The following DNAJB14 variants were observed in gnomAD, a reference collection of about 807,000 sequenced individuals.
DNAJB14 encodes the protein DnaJ heat shock protein family (Hsp40) member B14.
Under a neutral mutation model 48.4 loss-of-function variants are expected in DNAJB14, and 22 were observed. The ratio of observed to expected loss-of-function variants is 0.45; its 90% CI spans 0.32 to 0.65. The LOEUF is 0.65. Among genes scored for constraint, DNAJB14 ranks in the 30% least tolerant of loss-of-function variants. DNAJB14 has a pLI of 0.03. For synonymous variants in DNAJB14, 142 were observed against 158.7 expected (o/e 0.89, Z 0.79); for missense variants, 319 against 458.8 (o/e 0.70, Z 2.78).
intron 1 of DNAJB14, among the ~76,000 whole-genome samples, chr4:99,938,085 A>G (rs1279784412): frequency 1.6e-5 from 2 of 128,244 alleles, no homozygotes; most frequent in Non-Finnish European, 3.2e-5. Flanking sequence ...TGGCGAAACC[A>G]TGTTAAAAAT....
intron 7 of DNAJB14, among the ~76,000 whole-genome samples, chr4:99,901,950 T>A (rs900827675): frequency 6.6e-6 from 1 of 152,162 alleles, no homozygotes; most frequent in African/African-American, 2.4e-5. Flanking sequence ...ATTCAAGATA[T>A]ACTCACAGTT....
chr4:99,903,951 T>C (rs547215800), intron 6 of DNAJB14, 53 bp from the exon 7 acceptor site: 3 of 1,525,376 alleles, frequency 2.0e-6, no homozygotes, highest in East Asian at 4.5e-5. Context: ...TCCAATATGC[T>C]GCTATAAACC....
At chr4:99,946,257 G>A (rs1049657618) in intron 1 of DNAJB14, among the ~76,000 whole-genome samples, 182 bp downstream of exon 1, 1 of 152,168 alleles carries the variant, frequency 6.6e-6, no homozygotes, top group African/African-American at 2.4e-5. Flanking sequence ...CCCCAGCCCG[G>A]AGCCGGGGCT....
rs1183950204 is a variant in DNAJB14 at position 99,899,092 on chromosome 4, T to A, written c.*1936A>T. ...AAAAGCCATGTATGACTTTATAATA[T>A]ATACTTTATGGTATCACTTAACTTT... On this transcript the variant is annotated 3_prime_UTR_variant, in exon 8 of 8. Coordinates refer to ENST00000442697, the MANE Select transcript of DNAJB14 (RefSeq NM_001031723.4). The A allele has an allele frequency of 6.6e-6, 1 of 151,944 alleles. No individual in the cohort carries two copies. Among genetic ancestry groups the A allele is most frequent in the Non-Finnish European group, 1.5e-5 (1 of 67,836 alleles). The allele number at this position is 151,944 out of a possible 1,614,324, so 9.4% of individuals were successfully genotyped here. A position where few individuals can be genotyped will look rare whatever the true frequency, so the allele number is the denominator to read the frequency against.
At chr4:99,932,078 A>C (rs1726491761) in intron 1 of DNAJB14, among the ~76,000 whole-genome samples, 1 of 152,114 alleles carries the variant, frequency 6.6e-6, no homozygotes, top group Non-Finnish European at 1.5e-5. Flanking sequence ...TCTTAGAAGA[A>C]AATACAGAAG....
chr4:99,944,898 G>T (rs767254445), intron 1 of DNAJB14, among the ~76,000 whole-genome samples: 5 of 152,054 alleles, frequency 3.3e-5, no homozygotes, highest in Non-Finnish European at 7.4e-5. Context: ...TTTTTAAAGA[G>T]GAATTCTTCA....
intron 3 of DNAJB14, among the ~76,000 whole-genome samples, chr4:99,914,319 A>G (rs1725771580): frequency 6.6e-6 from 1 of 152,222 alleles, no homozygotes; most frequent in Non-Finnish European, 1.5e-5. Flanking sequence ...GCAGCCATAA[A>G]AATGATGAGT....
At chr4:99,916,447 G>A (rs1003070816) in intron 3 of DNAJB14, among the ~76,000 whole-genome samples, 3 of 152,168 alleles carry the variant, frequency 2.0e-5, no homozygotes, top group Admixed American at 1.3e-4. Flanking sequence ...GTGAAAACAT[G>A]CTTTTAAAAT....
chr4:99,946,386 C>G, intron 1 of DNAJB14, 53 bp downstream of exon 1: 1 of 1,563,356 alleles, frequency 6.4e-7, no homozygotes, highest in Non-Finnish European at 8.7e-7. Flanking sequence ...CAGGGGCGGG[C>G]TACGCGGTGG....
chr4:99,933,303 C>CT (rs759298582), intron 1 of DNAJB14, among the ~76,000 whole-genome samples: 26,552 of 88,892 alleles, frequency 0.3, 5,315 homozygotes, highest in South Asian at 0.36. Context: ...CATAAACAGT[C>CT]TTTTTTTTTT....
intron 5 of DNAJB14, chr4:99,905,991 C>T: frequency 7.7e-7 from 1 of 1,291,806 alleles, no homozygotes; most frequent in South Asian, 1.5e-5. Context: ...CCCCCCCACA[C>T]ACAGAGACGC....
chr4:99,934,075 A>G (rs1726579765), intron 1 of DNAJB14, among the ~76,000 whole-genome samples: 1 of 152,100 alleles, frequency 6.6e-6, no homozygotes, highest in African/African-American at 2.4e-5. Context: ...AAAATAATCA[A>G]TCAAAGCTCT....
In DNAJB14 at chr4:99,900,822, T is replaced by G; in HGVS notation, c.*206A>C. ...TAAGCTTTTAAAATGAAAATACTTGTAGAAGCGTTAACTAAAATATTCCAT... is the reference window on the plus strand; with the variant it reads ...TAAGCTTTTAAAATGAAAATACTTGGAGAAGCGTTAACTAAAATATTCCAT... On this transcript the variant is annotated 3_prime_UTR_variant, in exon 8 of 8. Transcript: ENST00000442697. The G allele has an allele frequency of 2.5e-6, 1 of 402,560 alleles. No individual in the cohort carries two copies. The highest frequency in any genetic ancestry group is 7.8e-5 in the South Asian group (1 of 12,834). 24.9% of individuals were successfully genotyped at this position (402,560 alleles called of 1,614,324 possible).
intron 3 of DNAJB14, among the ~76,000 whole-genome samples, chr4:99,915,725 T>C (rs1725830840): frequency 6.6e-6 from 1 of 152,230 alleles, no homozygotes; most frequent in Non-Finnish European, 1.5e-5. Flanking sequence ...GTATGTTGTA[T>C]AAATGTTGAT....
intron 1 of DNAJB14, among the ~76,000 whole-genome samples, chr4:99,945,778 C>T (rs990916712): frequency 6.6e-6 from 1 of 152,202 alleles, no homozygotes; most frequent in Non-Finnish European, 1.5e-5. Context: ...CTGACTTCAA[C>T]TAAAGGAAAC....
chr4:99,936,531 A>G (rs1025078222), intron 1 of DNAJB14, among the ~76,000 whole-genome samples: 10 of 152,230 alleles, frequency 6.6e-5, no homozygotes, highest in African/African-American at 2.2e-4. Context: ...AGAAACAATG[A>G]CACTTCTGTA....
At chr4:99,935,292 T>G (rs1227551422) in intron 1 of DNAJB14, among the ~76,000 whole-genome samples, 1 of 152,182 alleles carries the variant, frequency 6.6e-6, no homozygotes, top group Non-Finnish European at 1.5e-5. Context: ...TGTTCATCAG[T>G]AGTACTTGCA....
In DNAJB14 at chr4:99,933,658, T is replaced by G. The variant is rs1726564712; in HGVS notation, c.134-3037A>C. Among the ~76,000 whole-genome samples, 5 of 152,198 alleles carry G rather than the reference T, an allele frequency of 3.3e-5. No homozygotes were observed. In the South Asian group the frequency reaches 1.0e-3, roughly 31 times the overall value. On this transcript the variant is annotated intron_variant, in intron 1 of 7. Transcript: ENST00000442697. Reference sequence around the variant, plus strand: ...GCAATGAACGGAAACCAGCATGGTCTAAGGGAGGTAGTGGTTCACAACATT... The same window carrying G: ...GCAATGAACGGAAACCAGCATGGTCGAAGGGAGGTAGTGGTTCACAACATT...
Position 99,908,876 on chromosome 4 carries a change from C to G in DNAJB14, c.472G>C (p.Val158Leu). 1 of 1,575,120 alleles carries G rather than the reference C, an allele frequency of 6.3e-7. No homozygotes were observed. Among genetic ancestry groups the G allele is most frequent in the Non-Finnish European group, 8.6e-7 (1 of 1,164,616 alleles). The change falls in exon 4 of 8, where the codon GTT becomes CTT. Residue 158 changes from valine to leucine, a missense_variant. Around this residue, in one of 3 missense-constraint regions of DNAJB14, gnomAD observed 37 missense variants for 87.8 expected, o/e 0.42. Coordinates refer to ENST00000442697, the MANE Select transcript of DNAJB14 (RefSeq NM_001031723.4). Reference protein sequence around the residue: ...AFKKIGNAYAVLSNPEKRKQY... With the variant: ...AFKKIGNAYALLSNPEKRKQY... Reference sequence around the variant, plus strand: ...TTTCGCTTTTCTGGATTACTTAAAACAGCATAAGCATTTCCAATCTCTGAA... The same window carrying G: ...TTTCGCTTTTCTGGATTACTTAAAAGAGCATAAGCATTTCCAATCTCTGAA...
Sources: gnomAD v4.1 joint callset for allele counts (sites outside exome capture counted in the v4.1 genomes callset) on GRCh38, gnomAD v4.1.1 for gene constraint, gnomAD v4.1.1 regional missense constraint, MANE v1.5 for transcripts, NCBI Gene and HGNC (gene_info 2026-07-23, HGNC 2026-07-21) for gene names.